The following SASH1 variants were observed in gnomAD, a reference collection of about 807,000 sequenced individuals.
The protein encoded by SASH1 is SAM and SH3 domain-containing protein 1.
In SASH1, 44 loss-of-function variants were observed where a neutral mutation model predicts 125.2. The ratio of observed to expected loss-of-function variants is 0.35; its 90% confidence interval spans 0.28 to 0.45. The LOEUF is 0.45. Among genes scored for constraint, SASH1 ranks in the 20% least tolerant of loss-of-function variants. The pLI is 1.00. For missense variants in SASH1, 1,426 were observed against 1,614.5 expected (o/e 0.88, Z 2.00); for synonymous variants, 639 against 649.1 (o/e 0.98, Z 0.24).
intron 3 of SASH1, 61 bp from the exon 4 acceptor site, chr6:148,440,297 G>A (rs1776489947): frequency 6.2e-7 from 1 of 1,607,446 alleles, no homozygotes; most frequent in Non-Finnish European, 8.5e-7. Context: ...GTGACACTCT[G>A]TACAAATCAG....
chr6:148,327,815 C>T (rs1780873609), intron 1 of SASH1, among the ~76,000 whole-genome samples: 1 of 150,848 alleles, frequency 6.6e-6, no homozygotes. Flanking sequence ...GTGGCACATG[C>T]CTATAATCCC....
chr6:148,536,799 A>G (rs1304975512), intron 16 of SASH1, among the ~76,000 whole-genome samples: 1 of 152,150 alleles, frequency 6.6e-6, no homozygotes, highest in East Asian at 1.9e-4. Context: ...ACATCCTGAG[A>G]TTTTTGTACC....
At chr6:148,225,260 A>T in the SASH1 span, among the ~76,000 whole-genome samples, 1,123 of 152,346 alleles carry the variant, frequency 7.4e-3, 13 homozygotes, top group African/African-American at 0.025. Flanking sequence ...TTACACTTAC[A>T]GAAGTAATTT....
At chr6:148,362,128 C>T (rs7769445) in intron 1 of SASH1, among the ~76,000 whole-genome samples, 83,048 of 150,806 alleles carry the variant, frequency 0.55, 24,429 homozygotes, top group East Asian at 0.77. Context: ...GGGGTTTCTC[C>T]GTGTTAGCCA....
At chr6:148,438,740 AAAAAAACCAAAACAAAC>A (rs1776407757) in intron 2 of SASH1, among the ~76,000 whole-genome samples, 1 of 132,160 alleles carries the variant, frequency 7.6e-6, no homozygotes, top group East Asian at 2.2e-4. Flanking sequence ...AAAAAAAAAA[AAAAAAACCAAAACAAAC>A]AAAAAAAAAA....
chr6:148,278,284 G>A (rs1441240689), intron 1 of SASH1, among the ~76,000 whole-genome samples: 12 of 152,148 alleles, frequency 7.9e-5, no homozygotes, highest in Non-Finnish European at 1.3e-4. Flanking sequence ...TGAACCACCA[G>A]CCTTGGCCTA....
At chr6:148,400,592 A>G (rs1008900667) in intron 2 of SASH1, among the ~76,000 whole-genome samples, 1 of 152,122 alleles carries the variant, frequency 6.6e-6, no homozygotes, top group African/African-American at 2.4e-5. Flanking sequence ...TCTACAAAAA[A>G]ATACAAAAAT....
intron 1 of SASH1, among the ~76,000 whole-genome samples, chr6:148,352,333 C>T (rs183670090): frequency 1.7e-3 from 254 of 152,332 alleles, no homozygotes; most frequent in African/African-American, 5.8e-3. Flanking sequence ...CTTGGTGGCT[C>T]ACGCCTGTAA....
At chr6:148,475,019 C>T (rs908667256) in intron 7 of SASH1, among the ~76,000 whole-genome samples, 1 of 152,098 alleles carries the variant, frequency 6.6e-6, no homozygotes, top group Non-Finnish European at 1.5e-5. Flanking sequence ...TTAAGTTAGG[C>T]ACTACAAGAA....
chr6:148,219,673 G>A, the SASH1 span, among the ~76,000 whole-genome samples: 1 of 152,110 alleles, frequency 6.6e-6, no homozygotes, highest in Non-Finnish European at 1.5e-5. Flanking sequence ...AGAGCTAAGG[G>A]AACGTACCCA....
Position 148,544,843 on chromosome 6 carries a change from C to G in SASH1, c.3348+25C>G. 1 of 1,533,420 alleles carries G rather than the reference C, an allele frequency of 6.5e-7. No individual in the cohort carries two copies. Among genetic ancestry groups the G allele is most frequent in the Non-Finnish European group, 8.8e-7 (1 of 1,138,102 alleles). 95.0% of individuals were successfully genotyped at this position (1,533,420 alleles called of 1,614,324 possible). ...GGTATCAAAGGTCCTGGGCCCACCA[C>G]GTTCACAGGCCTTTGTTTGTAGAAG... On this transcript the variant is annotated intron_variant, in intron 18 of 19. Coordinates refer to ENST00000367467, the MANE Select transcript of SASH1 (RefSeq NM_015278.5). This position sits in a 1 kb window ranked among gnomAD's most constrained non-coding sequence, Gnocchi z 6.4.
chr6:148,481,114 C>T (rs984747582), intron 7 of SASH1, among the ~76,000 whole-genome samples: 1 of 151,644 alleles, frequency 6.6e-6, no homozygotes, highest in East Asian at 1.9e-4. Context: ...TGCCATCAGA[C>T]CACTGCAGTA....
the SASH1 span, among the ~76,000 whole-genome samples, chr6:148,197,493 A>G: frequency 6.6e-6 from 1 of 152,148 alleles, no homozygotes; most frequent in Non-Finnish European, 1.5e-5. Flanking sequence ...TTTCTAGAAA[A>G]TTCTCCAGGT....
At chr6:148,283,748 T>G (rs759498539) in intron 1 of SASH1, among the ~76,000 whole-genome samples, 3 of 151,960 alleles carry the variant, frequency 2.0e-5, no homozygotes, top group African/African-American at 7.3e-5. Flanking sequence ...CACCCCAGCC[T>G]GGGTGAAGAT....
At chr6:148,441,473 A>G (rs1776545144) in intron 4 of SASH1, among the ~76,000 whole-genome samples, 1 of 152,106 alleles carries the variant, frequency 6.6e-6, no homozygotes, top group African/African-American at 2.4e-5. Context: ...AACTGTGCAC[A>G]CCCCATCAGC....
intron 2 of SASH1, among the ~76,000 whole-genome samples, chr6:148,390,525 G>A (rs879844461): frequency 2.3e-4 from 35 of 152,300 alleles, no homozygotes; most frequent in East Asian, 1.2e-3. Context: ...TGTGGCTCAC[G>A]CCTGTAATCC....
chr6:148,309,667 TAAA>T (rs34084896), intron 1 of SASH1, among the ~76,000 whole-genome samples: 12 of 138,882 alleles, frequency 8.6e-5, no homozygotes, highest in Non-Finnish European at 7.8e-5. Context: ...CATGTTGCTT[TAAA>T]AAAAAAAAAA....
intron 8 of SASH1, among the ~76,000 whole-genome samples, chr6:148,493,689 C>T (rs768949307): frequency 2.6e-5 from 4 of 152,186 alleles, no homozygotes; most frequent in Non-Finnish European, 4.4e-5. Context: ...ACAATAAATC[C>T]ATATGCACAT....
Position 148,493,669 on chromosome 6 carries a change from G to A in SASH1, c.729+5954G>A, listed in dbSNP as rs139506198. Among the ~76,000 whole-genome samples the A allele has an allele frequency of 1.2e-4, 19 of 152,282 alleles. No individual in the cohort carries two copies. In the East Asian group the frequency reaches 2.7e-3, roughly 22 times the overall value. The stretch of plus-strand genomic sequence containing the variant: ...CCAATCGCTGAAATTAGATAATCGC[G>A]TGTTGCCTCACAATAAATCCATATG... On this transcript the variant is annotated intron_variant, in intron 8 of 19. Coordinates refer to ENST00000367467, the MANE Select transcript of SASH1 (RefSeq NM_015278.5).
Sources: gnomAD v4.1 joint callset for allele counts (sites outside exome capture counted in the v4.1 genomes callset) on GRCh38, gnomAD v4.1.1 for gene constraint, Gnocchi (gnomAD v3.1) non-coding constraint, MANE v1.5 for transcripts, NCBI Gene and HGNC (gene_info 2026-07-23, HGNC 2026-07-21) for gene names.